Variants in PCDHGB1 observed in about 807,000 individuals in gnomAD.
PCDHGB1 encodes protocadherin gamma-B1.
A neutral mutation model predicts 56.6 loss-of-function variants in PCDHGB1; 34 were observed. That is an observed-to-expected ratio of 0.60 (90% CI 0.46 to 0.80). The LOEUF (loss-of-function observed/expected upper bound fraction) is 0.80. Ranked by LOEUF, PCDHGB1 falls within the 30% of genes least tolerant of loss-of-function variation. PCDHGB1 has a pLI of 0.00. For synonymous variants in PCDHGB1, 561 were observed against 505.9 expected (o/e 1.11, Z -1.46); for missense variants, 1,278 against 1,204.6 (o/e 1.06, Z -0.90).
Position 141,388,955 on chromosome 5 carries a change from C to T in PCDHGB1, c.2409+36286C>T, listed in dbSNP as rs183330174. ...CTCTACCCAACCTAATTATGGAGGA[C>T]GCCGAGCTGGGAACACATATTGCTT... On this transcript the variant is annotated intron_variant, in intron 1 of 3. Transcript: ENST00000523390. 126 of 1,613,914 alleles carry T rather than the reference C, an allele frequency of 7.8e-5. 1 individual carries two copies. In the African/African-American group the frequency reaches 1.3e-3, roughly 17 times the overall value.
At chr5:141,363,790 T>C (rs1763065871) in intron 1 of PCDHGB1, among the ~76,000 whole-genome samples, 1 of 152,218 alleles carries the variant, frequency 6.6e-6, no homozygotes, top group Non-Finnish European at 1.5e-5. Flanking sequence ...TTTATCCTAA[T>C]AAGGAGATGA....
At chr5:141,497,479 G>A (rs1028715475) in intron 2 of PCDHGB1, among the ~76,000 whole-genome samples, 5 of 151,886 alleles carry the variant, frequency 3.3e-5, no homozygotes, top group Non-Finnish European at 7.4e-5. Flanking sequence ...GAGAAGGTGC[G>A]GAACCTCTCT....
intron 1 of PCDHGB1, among the ~76,000 whole-genome samples, chr5:141,471,995 TG>T: frequency 6.6e-6 from 1 of 152,322 alleles, no homozygotes; most frequent in East Asian, 1.9e-4. Context: ...TAAAAATCCC[TG>T]CATCGTATAG....
intron 1 of PCDHGB1, chr5:141,370,205 T>C (rs1766739640): frequency 3.7e-6 from 2 of 547,650 alleles, no homozygotes; most frequent in South Asian, 6.6e-5. Flanking sequence ...GTGCAAAATA[T>C]TGGCTCCTCC....
intron 1 of PCDHGB1, among the ~76,000 whole-genome samples, chr5:141,461,824 T>C (rs958063237): frequency 1.3e-5 from 2 of 151,968 alleles, no homozygotes; most frequent in African/African-American, 4.8e-5. Flanking sequence ...CAGCTAATTT[T>C]TTTTTCTTTT....
intron 1 of PCDHGB1, among the ~76,000 whole-genome samples, chr5:141,445,945 C>G (rs1433543714): frequency 1.3e-5 from 2 of 152,254 alleles, no homozygotes; most frequent in Non-Finnish European, 2.9e-5. Flanking sequence ...TAAGCTTACT[C>G]TGGCTGCTAT....
At chr5:141,360,781 G>A (rs1364422649) in intron 1 of PCDHGB1, 1 of 1,613,920 alleles carries the variant, frequency 6.2e-7, no homozygotes, top group East Asian at 2.2e-5. Context: ...CACAGCTGTG[G>A]ATGGCGGAGA....
At chr5:141,405,394 C>A (rs761584699) in intron 1 of PCDHGB1, 7 of 1,593,014 alleles carry the variant, frequency 4.4e-6, no homozygotes, top group Non-Finnish European at 6.0e-6. Context: ...CATTTTTTTT[C>A]TTTCTTTCTT....
intron 1 of PCDHGB1, chr5:141,423,735 G>A (rs2096770441): frequency 1.3e-6 from 1 of 777,372 alleles, no homozygotes; most frequent in African/African-American, 2.5e-5. Context: ...TTTTGAGCCT[G>A]TTATGAAAAC....
At chr5:141,361,190 T>C (rs1390413762) in intron 1 of PCDHGB1, 1 of 1,613,846 alleles carries the variant, frequency 6.2e-7, no homozygotes, top group Admixed American at 1.7e-5. Flanking sequence ...GTGACTTCAG[T>C]ATCTACTCCC....
intron 1 of PCDHGB1, among the ~76,000 whole-genome samples, chr5:141,437,629 G>A (rs538730617): frequency 6.6e-6 from 1 of 152,284 alleles, no homozygotes; most frequent in Non-Finnish European, 1.5e-5. Flanking sequence ...CATATAAGAT[G>A]TCAGGTTCAG....
intron 1 of PCDHGB1, chr5:141,400,399 A>G: frequency 6.2e-7 from 1 of 1,614,054 alleles, no homozygotes; most frequent in Non-Finnish European, 8.5e-7. Context: ...TACAGGAAAG[A>G]CGGAGTTTAA....
At chr5:141,410,097 T>G (rs745439318) in intron 1 of PCDHGB1, 3 of 1,612,664 alleles carry the variant, frequency 1.9e-6, no homozygotes, top group Non-Finnish European at 2.5e-6. Context: ...GCTCGAGCCT[T>G]AGGCGACAGG....
intron 2 of PCDHGB1, among the ~76,000 whole-genome samples, chr5:141,503,072 C>T (rs2099817948): frequency 6.6e-6 from 1 of 151,728 alleles, no homozygotes; most frequent in Non-Finnish European, 1.5e-5. Flanking sequence ...TCAGAATGGT[C>T]TCGATCTCCT....
intron 1 of PCDHGB1, chr5:141,421,621 C>T (rs2154549322): frequency 6.2e-7 from 1 of 1,613,772 alleles, no homozygotes; most frequent in Non-Finnish European, 8.5e-7. Flanking sequence ...TGATAACGCC[C>T]CCAGCTTCCA....
At chr5:141,391,498 G>A (rs974621252) in intron 1 of PCDHGB1, 1 of 151,980 alleles carries the variant, frequency 6.6e-6, no homozygotes, top group African/African-American at 2.4e-5. Flanking sequence ...TTTCAGTAGA[G>A]AAAATATTTT....
chr5:141,409,341 G>C, intron 1 of PCDHGB1: 1 of 1,613,976 alleles, frequency 6.2e-7, no homozygotes, highest in Non-Finnish European at 8.5e-7. Flanking sequence ...GGAGGAAATG[G>C]AGAAGTCAGG....
At chr5:141,395,151 A>G in intron 1 of PCDHGB1, 1 of 1,612,516 alleles carries the variant, frequency 6.2e-7, no homozygotes, top group Non-Finnish European at 8.5e-7. Flanking sequence ...AGACATGCTC[A>G]TCAGTCAGGA....
chr5:141,471,637 T>G (rs1284100810), intron 1 of PCDHGB1: 1 of 152,198 alleles, frequency 6.6e-6, no homozygotes, highest in Non-Finnish European at 1.5e-5. Context: ...TATGGATTAG[T>G]AATATACTGG....
Sources: allele counts gnomAD v4.1 joint callset (sites outside exome capture counted in the v4.1 genomes callset), GRCh38; gene constraint gnomAD v4.1.1; transcripts MANE v1.5; gene names NCBI Gene and HGNC (gene_info 2026-07-23, HGNC 2026-07-21).